Variants in CUX1 observed in about 807,000 individuals in gnomAD.
CUX1 encodes protein CASP.
In CUX1, 31 loss-of-function variants were observed where a neutral mutation model predicts 158.8. The observed-to-expected ratio is 0.20, with a 90% confidence interval of 0.15 to 0.26. CUX1 has a LOEUF of 0.26. CUX1 is among the 10% of genes least tolerant of loss of function. The pLI, the probability that CUX1 is intolerant of heterozygous loss-of-function variation, is 1.00. For synonymous variants in CUX1, 879 were observed against 862.1 expected, an observed-to-expected ratio of 1.02 and a Z score of -0.34; for missense variants, 1,589 against 2,014.6, an observed-to-expected ratio of 0.79 and a Z score of 4.04.
intron 2 of CUX1, among the ~76,000 whole-genome samples, chr7:101,939,383 A>C (rs992090959): frequency 7.9e-5 from 12 of 151,920 alleles, no homozygotes; most frequent in African/African-American, 2.9e-4. Context: ...GGGATTTTTA[A>C]GGCTGGTCAG....
chr7:101,904,854 C>T (rs1802580657), intron 1 of CUX1, among the ~76,000 whole-genome samples: 1 of 152,212 alleles, frequency 6.6e-6, no homozygotes, highest in Non-Finnish European at 1.5e-5. Flanking sequence ...CAGGCGTGAG[C>T]CACTGCGCCT....
chr7:101,967,982 C>A (rs561049977), intron 2 of CUX1, among the ~76,000 whole-genome samples: 23 of 152,236 alleles, frequency 1.5e-4, no homozygotes, highest in Admixed American at 1.4e-3. Context: ...TAGCTGCCTG[C>A]AGCCTCAACC....
intron 2 of CUX1, among the ~76,000 whole-genome samples, chr7:101,964,885 T>G (rs1255778525): frequency 1.3e-5 from 2 of 152,220 alleles, no homozygotes; most frequent in Non-Finnish European, 2.9e-5. Context: ...AACAGGCTTC[T>G]TATCTCATCT....
intron 1 of CUX1, among the ~76,000 whole-genome samples, chr7:101,888,574 A>T (rs188965341): frequency 2.0e-3 from 307 of 152,064 alleles, no homozygotes; most frequent in Non-Finnish European, 3.6e-3. Flanking sequence ...TCTCCCTGGG[A>T]TCTGGTATAC....
chr7:102,025,293 C>T (rs377365219), intron 2 of CUX1, among the ~76,000 whole-genome samples: 1 of 152,042 alleles, frequency 6.6e-6, no homozygotes, highest in Non-Finnish European at 1.5e-5. Flanking sequence ...CTCTGGCGGA[C>T]TATTATTGGT....
chr7:102,247,788 T>A (rs1800977418), intron 23 of CUX1, among the ~76,000 whole-genome samples: 1 of 152,188 alleles, frequency 6.6e-6, no homozygotes. Context: ...ACCACTGCAC[T>A]CCAGTCTGGG....
At chr7:101,922,083 A>T (rs1584989519) in intron 2 of CUX1, among the ~76,000 whole-genome samples, 1 of 151,996 alleles carries the variant, frequency 6.6e-6, no homozygotes, top group Non-Finnish European at 1.5e-5. Context: ...ATACCACTGC[A>T]CTCCAGCCTG....
chr7:102,105,979 AC>A (rs782281647), intron 6 of CUX1, among the ~76,000 whole-genome samples: 15 of 151,864 alleles, frequency 9.9e-5, no homozygotes, highest in Non-Finnish European at 2.1e-4. Flanking sequence ...ATTTATGACT[AC>A]AGGTAAGGGG....
intron 11 of CUX1, 31 bp downstream of exon 11, chr7:102,178,688 C>G (rs547147191): frequency 6.3e-7 from 1 of 1,579,964 alleles, no homozygotes; most frequent in Non-Finnish European, 8.6e-7. Flanking sequence ...GGGGGTGGCC[C>G]GAGGAGGCAG....
rs545271071 is a variant in CUX1 at position 101,916,538 on chromosome 7, T to A, written c.141+313T>A. 6.7e-6 allele frequency: 2 copies of A among 299,420 alleles called. No homozygotes were observed. The highest frequency in any genetic ancestry group is 1.3e-5 in the Non-Finnish European group (2 of 148,624). The allele number at this position is 299,420 out of a possible 1,614,324, so 18.5% of individuals were successfully genotyped here. A position where few individuals can be genotyped will look rare whatever the true frequency, so the allele number is the denominator to read the frequency against. ...TGGGTGTCTCAGACCCTCGAGCTCA[T>A]CCCAGACCCTGTCCCATGTCAGTTA... On this transcript the variant is annotated intron_variant, in intron 2 of 23. Coordinates refer to ENST00000292535, the MANE Select transcript of CUX1 (RefSeq NM_181552.4). The surrounding 1 kb of genome is among the most constrained non-coding windows in gnomAD (Gnocchi z 4.4).
chr7:102,162,703 C>T (rs536226344), intron 9 of CUX1, among the ~76,000 whole-genome samples: 9 of 152,190 alleles, frequency 5.9e-5, no homozygotes, highest in Non-Finnish European at 1.3e-4. Flanking sequence ...TTAGTAGAGA[C>T]GGGGTTTTGC....
chr7:101,855,889 A>AAT (rs1464234407), intron 1 of CUX1, among the ~76,000 whole-genome samples: 1 of 149,162 alleles, frequency 6.7e-6, no homozygotes, highest in South Asian at 2.1e-4. Context: ...AAAAAAAAAA[A>AAT]AAAAATGCAG....
intron 3 of CUX1, among the ~76,000 whole-genome samples, chr7:102,053,699 T>C (rs988581344): frequency 2.0e-5 from 3 of 152,162 alleles, no homozygotes; most frequent in Non-Finnish European, 4.4e-5. Flanking sequence ...GATGTTTGTC[T>C]TTCTATGCCT....
intron 4 of CUX1, among the ~76,000 whole-genome samples, chr7:102,071,410 G>A (rs757137350): frequency 6.6e-6 from 1 of 152,122 alleles, no homozygotes; most frequent in African/African-American, 2.4e-5. Flanking sequence ...GTGGGTCCTC[G>A]ATTGCCTTAG....
intron 3 of CUX1, among the ~76,000 whole-genome samples, chr7:102,030,689 G>GTGTTTTTTTTTTTTTTTTTTTTTTTTTTT (rs1554459461): frequency 1.2e-4 from 10 of 82,546 alleles, no homozygotes; most frequent in African/African-American, 3.7e-4. Context: ...ATTTTAAAAA[G>GTGTTTTTTTTTTTTTTTTTTTTTTTTTTT]TGTTTTTTTT....
intron 16 of CUX1, among the ~76,000 whole-genome samples, 176 bp downstream of exon 16, chr7:102,199,043 G>A (rs1178821363): frequency 6.6e-6 from 1 of 152,094 alleles, no homozygotes; most frequent in Admixed American, 6.6e-5. Flanking sequence ...CCTTCCTCCC[G>A]AGCTGCCTGC....
Position 101,826,004 on chromosome 7 carries a change from G to A in CUX1, c.30+8335G>A, listed in dbSNP as rs115111135. On this transcript the variant is annotated intron_variant, in intron 1 of 23. Transcript: ENST00000292535. ...GCCATTCCTCTCCTTAAACATCCAT[G>A]GTGGCCCACTTAGGCACAGAGTGGA... is the stretch of plus-strand genomic sequence containing the variant. Among the ~76,000 whole-genome samples, 1,142 of 152,010 alleles carry A rather than the reference G, an allele frequency of 7.5e-3. 7 individuals carry two copies. Among genetic ancestry groups the A allele is most frequent in the African/African-American group, 0.026 (1,097 of 41,448 alleles).
intron 14 of CUX1, 109 bp from the exon 15 acceptor site, chr7:102,196,525 C>CTTTTTTT (rs539268272): frequency 3.0e-5 from 33 of 1,109,758 alleles, no homozygotes; most frequent in Non-Finnish European, 4.0e-5. Flanking sequence ...AAAACCTGCA[C>CTTTTTTT]TTTTTTTTGT....
rs1236325979 is a variant in CUX1, at chr7:102,257,981, CT to C, written c.*8941del. The C allele has an allele frequency of 1.0e-6, 1 of 955,826 alleles. No individual in the cohort carries two copies. Among genetic ancestry groups the C allele is most frequent in the East Asian group, 1.3e-4 (1 of 7,654 alleles). The allele number at this position is 955,826 out of a possible 1,614,324, so 59.2% of individuals were successfully genotyped here. On this transcript the variant is annotated 3_prime_UTR_variant, in exon 24 of 24. Transcript: ENST00000292535. ...ACATCTCTCTGGTAACATTTTATTT[CT>C]TGCTATTTGTTTTTCTACATTAAGA... is the stretch of plus-strand genomic sequence containing the variant.
Sources: gnomAD v4.1 joint callset for allele counts (sites outside exome capture counted in the v4.1 genomes callset) on GRCh38, gnomAD v4.1.1 for gene constraint, Gnocchi (gnomAD v3.1) non-coding constraint, MANE v1.5 for transcripts, NCBI Gene and HGNC (gene_info 2026-07-23, HGNC 2026-07-21) for gene names.